The following MRPL1 variants were observed in gnomAD, a reference collection of about 807,000 sequenced individuals.
MRPL1 encodes the protein mitochondrial ribosomal protein L1.
MRPL1 carries 28 observed loss-of-function variants against 38.0 expected under a neutral mutation model. The observed-to-expected ratio is 0.74, with a 90% CI of 0.55 to 1.01. The LOEUF (loss-of-function observed/expected upper bound fraction) is 1.01, where lower values mean the gene tolerates loss of function less well. Ranked by LOEUF, MRPL1 falls within the 50% of genes least tolerant of loss-of-function variation. MRPL1 has a pLI of 0.00. For synonymous variants in MRPL1, 123 were observed against 126.7 expected (o/e 0.97, Z 0.20); for missense variants, 358 against 389.8 (o/e 0.92, Z 0.69).
chr4:77,903,748 A>G (rs1003547577), intron 6 of MRPL1, among the ~76,000 whole-genome samples: 1 of 152,212 alleles, frequency 6.6e-6, no homozygotes. Flanking sequence ...AGACCTTTTC[A>G]TAGAAAACTG....
At chr4:77,895,117 C>T (rs886881956) in intron 6 of MRPL1, among the ~76,000 whole-genome samples, 3 of 152,068 alleles carry the variant, frequency 2.0e-5, no homozygotes, top group Non-Finnish European at 4.4e-5. Context: ...TGAACATCTG[C>T]ATTCTATATT....
chr4:77,923,884 G>A (rs769196447), intron 7 of MRPL1, among the ~76,000 whole-genome samples: 8 of 151,906 alleles, frequency 5.3e-5, no homozygotes, highest in Non-Finnish European at 1.0e-4. Context: ...CAGGAGAATC[G>A]GTTGAACCTC....
chr4:77,871,073 A>G (rs1735269472), intron 1 of MRPL1, among the ~76,000 whole-genome samples: 1 of 152,128 alleles, frequency 6.6e-6, no homozygotes, highest in South Asian at 2.1e-4. Flanking sequence ...GATGAATATG[A>G]AATAGTTTAA....
intron 7 of MRPL1, among the ~76,000 whole-genome samples, chr4:77,945,957 T>C (rs1737253868): frequency 6.6e-6 from 1 of 152,202 alleles, no homozygotes; most frequent in Admixed American, 6.5e-5. Context: ...CGTATTGTCT[T>C]GATAAACATC....
At chr4:77,882,747 G>T (rs1424294852) in intron 2 of MRPL1, among the ~76,000 whole-genome samples, 1 of 152,120 alleles carries the variant, frequency 6.6e-6, no homozygotes, top group East Asian at 1.9e-4. Context: ...AGACATTTGG[G>T]TTGTTTCTAC....
chr4:77,862,866 G>T lies in MRPL1; in HGVS notation c.18G>T (p.Arg6Ser), dbSNP rs1324530450. 11 of 1,614,168 alleles carry T rather than the reference G, an allele frequency of 6.8e-6. No homozygotes were observed. Among genetic ancestry groups the T allele is most frequent in the Non-Finnish European group, 8.5e-6 (10 of 1,180,028 alleles). Residue 6 changes from arginine (R) to serine (S), a missense_variant, in exon 1 of 9, where the codon AGG becomes AGT. Transcript: ENST00000315567. Reference protein sequence around the residue: MAAAVRCMGRALIHHQ... With the variant: MAAAVSCMGRALIHHQ... The stretch of plus-strand genomic sequence containing the variant: ...TGCCCAACATGGCGGCGGCCGTAAG[G>T]TGCATGGGTAGAGGTAAGGCGAGGG...
intron 2 of MRPL1, among the ~76,000 whole-genome samples, chr4:77,873,805 A>G (rs1735335303): frequency 6.6e-6 from 1 of 152,192 alleles, no homozygotes; most frequent in Admixed American, 6.5e-5. Context: ...TAACTCTGTG[A>G]GTAGATAAAA....
At chr4:77,922,684 G>A (rs1052549806) in intron 7 of MRPL1, among the ~76,000 whole-genome samples, 1 of 152,216 alleles carries the variant, frequency 6.6e-6, no homozygotes, top group African/African-American at 2.4e-5. Context: ...GAATGGATAT[G>A]AGGTGTGATA....
intron 6 of MRPL1, among the ~76,000 whole-genome samples, chr4:77,900,067 G>A (rs946581198): frequency 1.3e-5 from 2 of 152,178 alleles, no homozygotes; most frequent in African/African-American, 4.8e-5. Flanking sequence ...CTGTTTTTGT[G>A]ATAATGTATG....
chr4:77,933,203 C>G (rs139489184), intron 7 of MRPL1, among the ~76,000 whole-genome samples: 281 of 152,244 alleles, frequency 1.8e-3, no homozygotes, highest in African/African-American at 6.2e-3. Flanking sequence ...GCCTCAGCAC[C>G]CAGCATGCTG....
At chr4:77,863,000 A>G in intron 1 of MRPL1, 121 bp downstream of exon 1, 1 of 1,262,326 alleles carries the variant, frequency 7.9e-7, no homozygotes, top group Non-Finnish European at 1.1e-6. Flanking sequence ...TCTGGTCTCT[A>G]GGTTTTTCAG....
At chr4:77,870,299 T>G (rs575651970) in intron 1 of MRPL1, among the ~76,000 whole-genome samples, 1 of 152,366 alleles carries the variant, frequency 6.6e-6, no homozygotes, top group South Asian at 2.1e-4. Context: ...TGTTAGGTTC[T>G]TGTATAGTAC....
At chr4:77,902,677 G>A (rs1159241307) in intron 6 of MRPL1, among the ~76,000 whole-genome samples, 2 of 150,898 alleles carry the variant, frequency 1.3e-5, no homozygotes, top group South Asian at 2.1e-4. Context: ...GAATGAAAGC[G>A]GTGACATGAA....
intron 1 of MRPL1, among the ~76,000 whole-genome samples, chr4:77,865,963 A>G (rs1735132501): frequency 6.6e-6 from 1 of 152,192 alleles, no homozygotes; most frequent in Non-Finnish European, 1.5e-5. Flanking sequence ...TTTGTTAGCC[A>G]CTATTTATTG....
chr4:77,930,673 G>C (rs889077800), intron 7 of MRPL1, among the ~76,000 whole-genome samples: 5 of 152,188 alleles, frequency 3.3e-5, no homozygotes, highest in African/African-American at 9.7e-5. Context: ...CAATAAAGCT[G>C]CATCTGGTGG....
At chr4:77,863,125 A>T in intron 1 of MRPL1, 1 of 553,690 alleles carries the variant, frequency 1.8e-6, no homozygotes. Flanking sequence ...CCCTCCAGCC[A>T]CCTATGGGCA....
At chr4:77,885,366 A>G (rs778294944) in intron 4 of MRPL1, 27 bp downstream of exon 4, 2 of 1,564,138 alleles carry the variant, frequency 1.3e-6, no homozygotes, top group South Asian at 1.1e-5. Context: ...AACTATTTAT[A>G]TCATTTAATT....
intron 6 of MRPL1, 21 bp from the exon 7 acceptor site, chr4:77,909,245 G>C (rs1407050820): frequency 7.0e-7 from 1 of 1,423,216 alleles, no homozygotes; most frequent in Non-Finnish European, 9.9e-7. Context: ...GATAATTGTG[G>C]ATTTTACTTT....
At chr4:77,880,024 T>C (rs1735500558) in intron 2 of MRPL1, among the ~76,000 whole-genome samples, 1 of 152,190 alleles carries the variant, frequency 6.6e-6, no homozygotes, top group Non-Finnish European at 1.5e-5. Context: ...ACTGTTTTAT[T>C]ATCATCCATT....
Sources: allele counts gnomAD v4.1 joint callset (sites outside exome capture counted in the v4.1 genomes callset), GRCh38; gene constraint gnomAD v4.1.1; transcripts MANE v1.5; gene names NCBI Gene and HGNC (gene_info 2026-07-23, HGNC 2026-07-21).